Variants in APP observed in about 807,000 individuals in gnomAD.
The protein encoded by APP is amyloid beta precursor protein.
APP carries 31 observed loss-of-function variants against 101.4 expected under a neutral mutation model. That is an observed-to-expected ratio of 0.31 (90% CI 0.23 to 0.41). The LOEUF (loss-of-function observed/expected upper bound fraction) is 0.41, where lower values mean the gene tolerates loss of function less well. Among genes scored for constraint, APP ranks in the 10% least tolerant of loss-of-function variants. The probability of loss-of-function intolerance (pLI) is 1.00; values close to 1 mark genes in which losing one functional copy is unlikely to be tolerated. For synonymous variants in APP, 366 were observed against 364.4 expected (o/e 1.00, Z -0.05); for missense variants, 839 against 1,003.7 (o/e 0.84, Z 2.22).
chr21:25,882,990 G>A (rs1296912299), intron 17 of APP, among the ~76,000 whole-genome samples: 1 of 152,108 alleles, frequency 6.6e-6, no homozygotes, highest in African/African-American at 2.4e-5. Context: ...TGCCCCTGAA[G>A]CCAAGGAAGA....
chr21:25,951,334 C>A (rs1395756615), intron 13 of APP, among the ~76,000 whole-genome samples: 1 of 152,176 alleles, frequency 6.6e-6, no homozygotes, highest in Admixed American at 6.5e-5. Flanking sequence ...TATACCTCTC[C>A]CACTAAAGAT....
rs538105052 is a variant in APP at position 26,020,647 on chromosome 21, T to A, written c.865+1193A>T. ...ACCTTTATAAGTATTTGCAGTACAT[T>A]AAAATTCAGTAAGTACATATTCATT... On this transcript the variant is annotated intron_variant, in intron 6 of 17. Transcript: ENST00000346798. Among the ~76,000 whole-genome samples, 5 of 152,280 alleles carry A rather than the reference T, an allele frequency of 3.3e-5. No individual in the cohort carries two copies. The East Asian group carries it at 9.7e-4, about 29-fold the overall frequency.
At chr21:26,113,475 A>G (rs1304963776) in intron 1 of APP, among the ~76,000 whole-genome samples, 1 of 152,242 alleles carries the variant, frequency 6.6e-6, no homozygotes, top group African/African-American at 2.4e-5. Flanking sequence ...CAACAAAAAA[A>G]CAAAACAGGT....
intron 17 of APP, among the ~76,000 whole-genome samples, chr21:25,882,837 C>G (rs3787622): frequency 0.036 from 5,477 of 152,192 alleles, 138 homozygotes; most frequent in East Asian, 0.075. Context: ...AGGGATATTT[C>G]CTAGAATGGG....
At chr21:26,024,793 T>C (rs957707032) in intron 5 of APP, among the ~76,000 whole-genome samples, 1 of 152,182 alleles carries the variant, frequency 6.6e-6, no homozygotes, top group Non-Finnish European at 1.5e-5. Context: ...CAAAAAAATG[T>C]GTATGACCCC....
chr21:26,084,699 G>GA (rs1219681768), intron 3 of APP, among the ~76,000 whole-genome samples: 1 of 151,746 alleles, frequency 6.6e-6, no homozygotes, highest in Non-Finnish European at 1.5e-5. Flanking sequence ...ATTTTGGAGG[G>GA]AAAAAAAATT....
chr21:25,931,297 G>A lies in APP; in HGVS notation c.1688-19335C>T, dbSNP rs146664411. Among the ~76,000 whole-genome samples the A allele has an allele frequency of 1.2e-3, 177 of 152,278 alleles. 1 individual carries two copies. The highest frequency in any genetic ancestry group is 4.0e-3 in the African/African-American group (167 of 41,548). On this transcript the variant is annotated intron_variant, in intron 13 of 17. Coordinates refer to ENST00000346798, the MANE Select transcript of APP (RefSeq NM_000484.4). ...CCTAGCAGATACAAGTGCATGTACC[G>A]AGGCACAGAGGACAAGCTGCCCAGG...
chr21:26,046,139 A>G (rs1366353191), intron 5 of APP, among the ~76,000 whole-genome samples: 1 of 152,072 alleles, frequency 6.6e-6, no homozygotes, highest in Non-Finnish European at 1.5e-5. Context: ...AACACATGGG[A>G]ATTCAAGAAG....
chr21:25,924,443 T>A (rs59373777), intron 13 of APP, among the ~76,000 whole-genome samples: 88,557 of 88,640 alleles, frequency 1, 44,237 homozygotes, highest in Middle Eastern at 1. Flanking sequence ...AAAAAAAAGG[T>A]TGAGTTCATG....
intron 5 of APP, 150 bp downstream of exon 5, chr21:26,050,850 T>G: frequency 1.2e-6 from 1 of 854,180 alleles, no homozygotes; most frequent in Non-Finnish European, 1.8e-6. Context: ...CCATAAAAAT[T>G]CATAGTTCAG....
intron 13 of APP, among the ~76,000 whole-genome samples, chr21:25,950,381 CTTT>C (rs57124711): frequency 2.3e-5 from 3 of 133,120 alleles, no homozygotes; most frequent in Non-Finnish European, 3.3e-5. Context: ...TTTTTTTTTT[CTTT>C]TTTTTTTTTT....
At chr21:25,961,976 T>C (rs975872326) in intron 11 of APP, among the ~76,000 whole-genome samples, 4 of 152,072 alleles carry the variant, frequency 2.6e-5, no homozygotes, top group African/African-American at 9.7e-5. Context: ...TTACTAGCAA[T>C]AATTTTTCTG....
chr21:25,942,503 C>T (rs1359057495), intron 13 of APP: 3 of 152,126 alleles, frequency 2.0e-5, no homozygotes, highest in South Asian at 2.1e-4. Context: ...TGCTACGAGA[C>T]GCAGCAAGCA....
intron 3 of APP, among the ~76,000 whole-genome samples, chr21:26,088,885 CTTCT>C (rs1013065931): frequency 2.6e-5 from 4 of 152,148 alleles, no homozygotes; most frequent in African/African-American, 7.2e-5. Flanking sequence ...CAGGTGAAAT[CTTCT>C]TTCTAATGCC....
chr21:25,888,529 A>T (rs1427931437), intron 17 of APP, among the ~76,000 whole-genome samples: 1 of 150,302 alleles, frequency 6.7e-6, no homozygotes, highest in Non-Finnish European at 1.5e-5. Context: ...TCTTGAGGGG[A>T]AGGAGCTGAG....
intron 1 of APP, among the ~76,000 whole-genome samples, chr21:26,129,989 G>A (rs957443746): frequency 1.3e-5 from 2 of 152,108 alleles, no homozygotes; most frequent in African/African-American, 4.8e-5. Context: ...AAAAGCAACA[G>A]GTAATTAATA....
chr21:26,128,347 T>A (rs1013597595), intron 1 of APP, among the ~76,000 whole-genome samples: 2 of 152,246 alleles, frequency 1.3e-5, no homozygotes, highest in African/African-American at 4.8e-5. Context: ...GACAATTTAC[T>A]ATCCGTGAAT....
At chr21:26,011,410 A>G (rs2043801615) in intron 6 of APP, among the ~76,000 whole-genome samples, 1 of 152,186 alleles carries the variant, frequency 6.6e-6, no homozygotes, top group African/African-American at 2.4e-5. Flanking sequence ...TCATCACTGC[A>G]GATCTCAACA....
chr21:26,053,588 C>A, intron 3 of APP: 1 of 399,518 alleles, frequency 2.5e-6, no homozygotes, highest in South Asian at 3.0e-5. Context: ...TGAAATTGTC[C>A]CTTAATTAAT....
Sources: allele counts gnomAD v4.1 joint callset (sites outside exome capture counted in the v4.1 genomes callset), GRCh38; gene constraint gnomAD v4.1.1; transcripts MANE v1.5; gene names NCBI Gene and HGNC (gene_info 2026-07-23, HGNC 2026-07-21).